The following RTN1 variants were observed in gnomAD, a reference collection of about 807,000 sequenced individuals.
RTN1 encodes the protein reticulon-1.
RTN1 carries 25 observed loss-of-function variants against 65.5 expected under a neutral mutation model. The observed-to-expected ratio is 0.38, with a 90% CI of 0.28 to 0.53. The LOEUF (loss-of-function observed/expected upper bound fraction) is 0.53, where lower values mean the gene tolerates loss of function less well. Among genes scored for constraint, RTN1 ranks in the 20% least tolerant of loss-of-function variants. The probability of loss-of-function intolerance (pLI) is 0.79; values close to 1 mark genes in which losing one functional copy is unlikely to be tolerated. For synonymous variants in RTN1, 471 were observed against 447.6 expected (o/e 1.05, Z -0.66); for missense variants, 983 against 1,025.4 (o/e 0.96, Z 0.57).
chr14:59,851,958 A>G (rs1013590510), intron 1 of RTN1, among the ~76,000 whole-genome samples: 2 of 152,100 alleles, frequency 1.3e-5, no homozygotes, highest in Non-Finnish European at 2.9e-5. Context: ...ATACTGTACA[A>G]TTTCTAGAAA....
Position 59,731,596 on chromosome 14 carries a change from C to T in RTN1, c.1016-3928G>A, listed in dbSNP as rs546369684. On this transcript the variant is annotated intron_variant, in intron 2 of 8. Coordinates refer to ENST00000267484, the MANE Select transcript of RTN1 (RefSeq NM_021136.3). Reference sequence around the variant, plus strand: ...TAATGCTTTTATTATGTTAAGCCACCAAGATTTTGGGATTTATCTGAATTC... The same window carrying T: ...TAATGCTTTTATTATGTTAAGCCACTAAGATTTTGGGATTTATCTGAATTC... Among the ~76,000 whole-genome samples, 47 of 152,212 alleles carry T rather than the reference C, an allele frequency of 3.1e-4. No homozygotes were observed. The South Asian group carries it at 9.8e-3, about 32-fold the overall frequency.
At chr14:59,842,892 CA>C (rs766754343) in intron 1 of RTN1, among the ~76,000 whole-genome samples, 5 of 152,094 alleles carry the variant, frequency 3.3e-5, no homozygotes, top group Admixed American at 6.5e-5. Flanking sequence ...AATAAGAATG[CA>C]AAATGGTATA....
intron 3 of RTN1, among the ~76,000 whole-genome samples, chr14:59,704,170 A>T (rs762034052): frequency 7.9e-5 from 12 of 152,116 alleles, no homozygotes; most frequent in Non-Finnish European, 1.8e-4. Context: ...GTCTAGCAAA[A>T]TGCTCCTGCA....
chr14:59,605,107 G>T (rs1420355425), intron 5 of RTN1: 1 of 333,486 alleles, frequency 3.0e-6, no homozygotes, highest in African/African-American at 2.1e-5. Context: ...TATAGAGCTA[G>T]AAGCTATGTG....
At chr14:59,751,191 C>A (rs1186848611) in intron 1 of RTN1, among the ~76,000 whole-genome samples, 2 of 90,810 alleles carry the variant, frequency 2.2e-5, no homozygotes, top group South Asian at 3.9e-4. Context: ...CTCATTATAC[C>A]TTTTTTTTTT....
At chr14:59,796,917 C>T (rs145616308) in intron 1 of RTN1, among the ~76,000 whole-genome samples, 9 of 152,218 alleles carry the variant, frequency 5.9e-5, no homozygotes, top group Non-Finnish European at 7.4e-5. Context: ...TAAAATAGTG[C>T]CTCACACAAA....
intron 3 of RTN1, among the ~76,000 whole-genome samples, chr14:59,612,552 T>G (rs999933182): frequency 2.0e-5 from 3 of 152,252 alleles, no homozygotes; most frequent in African/African-American, 7.2e-5. Context: ...GCTAAAAATT[T>G]GTCTTTCTGT....
intron 3 of RTN1, among the ~76,000 whole-genome samples, chr14:59,668,632 A>T (rs61025808): frequency 6.6e-6 from 1 of 152,212 alleles, no homozygotes; most frequent in African/African-American, 2.4e-5. Context: ...GAGCTTCTGC[A>T]CGACAAAAGA....
chr14:59,775,028 A>G (rs1886025156), intron 1 of RTN1, among the ~76,000 whole-genome samples: 1 of 152,152 alleles, frequency 6.6e-6, no homozygotes, highest in Non-Finnish European at 1.5e-5. Flanking sequence ...GCCACATTAT[A>G]AGGTATTACC....
intron 3 of RTN1, among the ~76,000 whole-genome samples, chr14:59,691,147 T>C (rs1267797310): frequency 6.6e-6 from 1 of 151,822 alleles, no homozygotes; most frequent in African/African-American, 2.4e-5. Context: ...AACCCAAAAG[T>C]TGGATTCTTG....
intron 2 of RTN1, among the ~76,000 whole-genome samples, chr14:59,736,405 A>G (rs796729012): frequency 6.6e-6 from 1 of 152,242 alleles, no homozygotes; most frequent in South Asian, 2.1e-4. Flanking sequence ...ACCTCTATGC[A>G]TATAAACTAG....
At chr14:59,668,111 T>A (rs1411243780) in intron 3 of RTN1, among the ~76,000 whole-genome samples, 1 of 152,148 alleles carries the variant, frequency 6.6e-6, no homozygotes, top group East Asian at 1.9e-4. Flanking sequence ...TACTTTAAAG[T>A]TCATATGGAA....
At chr14:59,673,133 T>A (rs1011624479) in intron 3 of RTN1, among the ~76,000 whole-genome samples, 1 of 152,226 alleles carries the variant, frequency 6.6e-6, no homozygotes, top group African/African-American at 2.4e-5. Flanking sequence ...TTTCTTCCAA[T>A]GGTAATGTTA....
chr14:59,611,928 TCA>T (rs1435508718), intron 3 of RTN1, among the ~76,000 whole-genome samples: 1 of 152,120 alleles, frequency 6.6e-6, no homozygotes, highest in Non-Finnish European at 1.5e-5. Flanking sequence ...CCTTATCTGG[TCA>T]CATTCCATGA....
intron 3 of RTN1, among the ~76,000 whole-genome samples, chr14:59,667,614 A>G (rs1224745564): frequency 6.6e-6 from 1 of 152,210 alleles, no homozygotes; most frequent in Non-Finnish European, 1.5e-5. Flanking sequence ...GGCCAGGGCA[A>G]TCAGGCAAGA....
chr14:59,779,199 T>G (rs1347519742), intron 1 of RTN1, among the ~76,000 whole-genome samples: 5 of 151,686 alleles, frequency 3.3e-5, no homozygotes, highest in Non-Finnish European at 5.9e-5. Context: ...CTGATACAGA[T>G]TGAGTGTGAA....
intron 3 of RTN1, among the ~76,000 whole-genome samples, chr14:59,713,824 C>T (rs1229631958): frequency 6.6e-6 from 1 of 152,142 alleles, no homozygotes; most frequent in Admixed American, 6.5e-5. Flanking sequence ...TTAAAATTTG[C>T]TCAGAATTAC....
chr14:59,745,990 C>G lies in RTN1; in HGVS notation c.733G>C (p.Val245Leu). The change falls in exon 2 of 9, where the codon GTG (valine) becomes CTG (leucine). Residue 245 changes from valine to leucine, a missense_variant. Physicochemically the swap from Val to Leu is conservative, Grantham distance 32. Transcript: ENST00000267484. The part of the protein sequence containing the change: ...GVREPDKPAP[V>L]EGKIIKDHLL... ...TGGTCCTTGATGATTTTTCCCTCCA[C>G]AGGAGCTGGTTTGTCAGGTTCACGG... The G allele has an allele frequency of 1.9e-6, 3 of 1,614,152 alleles. No homozygotes were observed. The highest frequency in any genetic ancestry group is 2.5e-6 in the Non-Finnish European group (3 of 1,180,020).
At chr14:59,619,347 C>T (rs1473693697) in intron 3 of RTN1, among the ~76,000 whole-genome samples, 4 of 152,140 alleles carry the variant, frequency 2.6e-5, no homozygotes, top group African/African-American at 9.7e-5. Flanking sequence ...TCTGACACAG[C>T]CTGGGGCAGA....
Sources: gnomAD v4.1 joint callset for allele counts (sites outside exome capture counted in the v4.1 genomes callset) on GRCh38, gnomAD v4.1.1 for gene constraint, MANE v1.5 for transcripts, NCBI Gene and HGNC (gene_info 2026-07-23, HGNC 2026-07-21) for gene names.